CASP8: variants seen among roughly 807,000 people sequenced by gnomAD.
The protein encoded by CASP8 is caspase-8.
CASP8 carries 24 observed loss-of-function variants against 46.3 expected under a neutral mutation model. That is an observed-to-expected ratio of 0.52 (90% confidence interval 0.38 to 0.73). The LOEUF (loss-of-function observed/expected upper bound fraction) is 0.73. Ranked by LOEUF, CASP8 falls within the 30% of genes least tolerant of loss-of-function variation. The pLI is 0.00. For synonymous variants in CASP8, 188 were observed against 200.4 expected, an observed-to-expected ratio of 0.94 and a Z score of 0.52; for missense variants, 460 against 559.0, an observed-to-expected ratio of 0.82 and a Z score of 1.79.
At chr2:201,265,271 A>T (rs1330654057) in intron 1 of CASP8, among the ~76,000 whole-genome samples, 3 of 151,554 alleles carry the variant, frequency 2.0e-5, no homozygotes, top group Non-Finnish European at 4.4e-5. Flanking sequence ...AACTACTAGG[A>T]GGCCGAGGCA....
chr2:201,254,161 C>A (rs549076923), intron 2 of CASP8, among the ~76,000 whole-genome samples: 1 of 151,958 alleles, frequency 6.6e-6, no homozygotes, highest in East Asian at 1.9e-4. Context: ...TCAATTTCTT[C>A]CTTTCTAAAT....
intron 1 of CASP8, among the ~76,000 whole-genome samples, chr2:201,265,851 G>A (rs1480668330): frequency 6.6e-6 from 1 of 151,984 alleles, no homozygotes; most frequent in African/African-American, 2.4e-5. Flanking sequence ...GTGCTTTCTC[G>A]CATTCTCCCC....
rs750502872 is a variant in CASP8, at chr2:201,286,602, A to G, written c.*8A>G. On this transcript the variant is annotated 3_prime_UTR_variant, in exon 9 of 9. Transcript: ENST00000673742. ...GTCTTCCCTTCTGATTGATGGTGCT[A>G]TTTTGTTTGTTTTGTTTTGTTTTGT... 5 of 1,612,058 alleles carry G rather than the reference A, an allele frequency of 3.1e-6. No homozygotes were observed. The highest frequency in any genetic ancestry group is 4.2e-6 in the Non-Finnish European group (5 of 1,178,634).
At position 201,272,094 on chromosome 2, in the gene CASP8, G is replaced by A. The variant is rs1235391989; in HGVS notation, c.411+473G>A. Among the ~76,000 whole-genome samples, 1 of 151,858 alleles carries A rather than the reference G, an allele frequency of 6.6e-6. No homozygotes were observed. The highest frequency in any genetic ancestry group is 2.1e-4 in the South Asian group (1 of 4,792). ...CTGTATAAGTGGTGTGTGTGTCTGT[G>A]TATCTCTGTGTGTGTGTTCTCTGTG... is the stretch of plus-strand genomic sequence containing the variant. On this transcript the variant is annotated intron_variant, in intron 3 of 8. Transcript: ENST00000673742. This position sits in a 1 kb window ranked among gnomAD's most constrained non-coding sequence, Gnocchi z 4.4.
In CASP8 at chr2:201,285,250, C is replaced by T. The variant is rs1272714323; in HGVS notation, c.1237C>T (p.Arg413Ter). The T allele has an allele frequency of 3.7e-6, 6 of 1,614,004 alleles. No individual in the cohort carries two copies. The highest frequency in any genetic ancestry group is 4.5e-5 in the East Asian group (2 of 44,898). Residue 413 changes from arginine (R) to a stop codon, truncating the protein, a stop_gained, in exon 8 of 9, where the codon CGA becomes TGA. Transcript: ENST00000673742. LOFTEE classifies it high-confidence loss of function. ...MATVNNCVSY[R>*]NPAEGTWYIQ... ...CACTGTGAATAACTGTGTTTCCTAC[C>T]GAAACCCTGCAGAGGGAACCTGGTA...
At chr2:201,282,950 T>C (rs1185973903) in intron 7 of CASP8, among the ~76,000 whole-genome samples, 15 of 42,708 alleles carry the variant, frequency 3.5e-4, no homozygotes, top group Admixed American at 6.5e-4. Flanking sequence ...AGGGGGCTGA[T>C]CCCCCCACCT....
At position 201,285,308 on chromosome 2, in the gene CASP8, G is replaced by A. The variant is rs1167464002; in HGVS notation, c.1295G>A (p.Arg432Gln). 8.7e-6 allele frequency: 14 copies of A among 1,613,390 alleles called. No homozygotes were observed. Among genetic ancestry groups the A allele is most frequent in the Non-Finnish European group, 1.2e-5 (14 of 1,180,026 alleles). The change falls in exon 8 of 9, where the codon CGA becomes CAA. Residue 432 changes from arginine (R) to glutamine (Q), a missense_variant. Coordinates refer to ENST00000673742, the MANE Select transcript of CASP8 (RefSeq NM_001372051.1). ...TCACTTTGCCAGAGCCTGAGAGAGC[G>A]ATGTCCTCGGTAAGTTTTGCCTACT... ...IQSLCQSLRE[R>Q]CPRGDDILTI...
intron 7 of CASP8, among the ~76,000 whole-genome samples, chr2:201,284,439 CGAGG>C (rs1342603949): frequency 5.9e-3 from 399 of 67,354 alleles, no homozygotes; most frequent in Middle Eastern, 0.021. Flanking sequence ...CTCGGGAGGC[CGAGG>C]CTGGCGGATC....
At chr2:201,280,343 G>A (rs191187477) in intron 7 of CASP8, among the ~76,000 whole-genome samples, 1 of 152,240 alleles carries the variant, frequency 6.6e-6, no homozygotes, top group East Asian at 1.9e-4. Context: ...ACAGAGAAAG[G>A]GGAAATGGAA....
At chr2:201,275,105 A>C (rs558474657) in intron 6 of CASP8, 152 bp downstream of exon 6, 320 of 672,368 alleles carry the variant, frequency 4.8e-4, no homozygotes, top group Non-Finnish European at 7.5e-4. Context: ...CACACAAAAA[A>C]AGTTAAAAAT....
chr2:201,248,332 A>G (rs1452656578), intron 2 of CASP8, among the ~76,000 whole-genome samples: 1 of 152,080 alleles, frequency 6.6e-6, no homozygotes, highest in Non-Finnish European at 1.5e-5. Flanking sequence ...GGCTTTGATG[A>G]GCATCCACCT....
chr2:201,260,602 C>A lies in CASP8; in HGVS notation c.-38C>A, dbSNP rs977559736. The A allele has an allele frequency of 2.2e-5, 22 of 980,194 alleles. No homozygotes were observed. In the South Asian group the frequency reaches 8.5e-4, roughly 38 times the overall value. 60.7% of individuals were successfully genotyped at this position (980,194 alleles called of 1,614,324 possible). On this transcript the variant is annotated 5_prime_UTR_variant, in exon 1 of 9. An upstream open reading frame in the 5' UTR gains an earlier in-frame stop. Transcript: ENST00000673742. Reference sequence around the variant, plus strand: ...AGGCCTGTGACGAAGGTGCTACCATCGTGAGAGTAAGGTAAGGATTTGCCT... The same window carrying A: ...AGGCCTGTGACGAAGGTGCTACCATAGTGAGAGTAAGGTAAGGATTTGCCT...
intron 2 of CASP8, 94 bp from the exon 3 acceptor site, chr2:201,271,418 AAGGG>A: frequency 1.3e-6 from 1 of 789,964 alleles, no homozygotes; most frequent in Non-Finnish European, 2.3e-6. Context: ...CTTTATGTTG[AAGGG>A]AGGCCTTTGG....
At chr2:201,258,691 G>T (rs1439780056), upstream of CASP8, among the ~76,000 whole-genome samples, 1 of 152,182 alleles carries the variant, frequency 6.6e-6, no homozygotes, top group Non-Finnish European at 1.5e-5. Flanking sequence ...GGAGAGTCCA[G>T]AAGACTTTAT....
Position 201,250,898 on chromosome 2 carries a change from C to T in CASP8, c.-26-15563C>T, listed in dbSNP as rs528368486. On this transcript the variant is annotated intron_variant, in intron 2 of 6. Transcript: ENST00000264274. The stretch of plus-strand genomic sequence containing the variant: ...CAATATTGTACAGAATAATTTCACT[C>T]CCCTAAAAATCCCCTGTGCTGAACC... 3.3e-5 allele frequency among the ~76,000 whole-genome samples: 5 copies of T among 152,302 alleles called. No homozygotes were observed. The South Asian group carries it at 1.0e-3, about 32-fold the overall frequency.
At chr2:201,252,563 CG>C (rs1396024038) in intron 2 of CASP8, among the ~76,000 whole-genome samples, 2 of 152,140 alleles carry the variant, frequency 1.3e-5, no homozygotes, top group Middle Eastern at 3.2e-3. Flanking sequence ...TTTTGGGTAA[CG>C]GTCTTTTGTT....
At chr2:201,276,223 A>G (rs1948620983) in intron 6 of CASP8, among the ~76,000 whole-genome samples, 1 of 152,172 alleles carries the variant, frequency 6.6e-6, no homozygotes, top group South Asian at 2.1e-4. Context: ...TGGATACCAT[A>G]ACCTACAGTG....
rs1948338076 is a variant in CASP8 at position 201,272,565 on chromosome 2, T to TATA, written c.412-72_412-71insTAA. On this transcript the variant is annotated intron_variant, in intron 3 of 8. Transcript: ENST00000673742. This position sits in a 1 kb window ranked among gnomAD's most constrained non-coding sequence, Gnocchi z 4.4. The stretch of plus-strand genomic sequence containing the variant: ...GTCCTTGGTTGGAGAAATTGGAAAT[T>TATA]AAAAAAAAAAATCTAATCTAAAAAC... The TATA allele has an allele frequency of 7.8e-7, 1 of 1,281,984 alleles. No individual in the cohort carries two copies. The highest frequency in any genetic ancestry group is 2.8e-5 in the East Asian group (1 of 35,720). The allele number at this position is 1,281,984 out of a possible 1,614,324, so 79.4% of individuals were successfully genotyped here.
At chr2:201,245,800 C>T (rs1270506783) in intron 2 of CASP8, among the ~76,000 whole-genome samples, 1 of 152,130 alleles carries the variant, frequency 6.6e-6, no homozygotes, top group Non-Finnish European at 1.5e-5. Flanking sequence ...CGCTTTGCTG[C>T]CCTTTCCTGG....
Sources: allele counts gnomAD v4.1 joint callset (sites outside exome capture counted in the v4.1 genomes callset), GRCh38; gene constraint gnomAD v4.1.1; non-coding constraint Gnocchi (gnomAD v3.1); transcripts MANE v1.5; gene names NCBI Gene and HGNC (gene_info 2026-07-23, HGNC 2026-07-21).